Variants in PTPRD observed in about 807,000 individuals in gnomAD.
The protein encoded by PTPRD is receptor-type tyrosine-protein phosphatase delta.
In PTPRD, 34 loss-of-function variants were observed where a neutral mutation model predicts 214.5. The ratio of observed to expected loss-of-function variants is 0.16; its 90% confidence interval spans 0.12 to 0.21. PTPRD has a LOEUF of 0.21. PTPRD is among the 10% of genes least tolerant of loss of function. The pLI is 1.00. For missense variants in PTPRD, 2,545 were observed against 2,398.7 expected, an observed-to-expected ratio of 1.06 and a Z score of -1.27; for synonymous variants, 1,128 against 845.7, an observed-to-expected ratio of 1.33 and a Z score of -5.79.
At chr9:9,151,638 G>GAT (rs2099876864) in intron 10 of PTPRD, among the ~76,000 whole-genome samples, 1 of 152,204 alleles carries the variant, frequency 6.6e-6, no homozygotes, top group Admixed American at 6.5e-5. Flanking sequence ...CATCTTGGAA[G>GAT]ATTAATTTTA....
At chr9:8,791,428 G>A (rs778435253) in intron 11 of PTPRD, among the ~76,000 whole-genome samples, 3 of 151,208 alleles carry the variant, frequency 2.0e-5, no homozygotes, top group Non-Finnish European at 4.4e-5. Context: ...GTTTCACCAT[G>A]TTGGTCAGGC....
intron 2 of PTPRD, among the ~76,000 whole-genome samples, chr9:10,574,807 T>G (rs2068644805): frequency 1.4e-5 from 1 of 69,540 alleles, no homozygotes; most frequent in Non-Finnish European, 2.8e-5. Flanking sequence ...AATAGATATG[T>G]GTGTGCATAT....
intron 37 of PTPRD, among the ~76,000 whole-genome samples, chr9:8,378,693 A>G (rs1199460216): frequency 2.6e-5 from 4 of 152,092 alleles, no homozygotes; most frequent in African/African-American, 7.2e-5. Flanking sequence ...ATGCACAAAA[A>G]CAGCACATTA....
chr9:9,370,046 A>G (rs927041658), intron 9 of PTPRD, among the ~76,000 whole-genome samples: 8 of 152,118 alleles, frequency 5.3e-5, no homozygotes, highest in African/African-American at 1.9e-4. Flanking sequence ...AGGTAGCGTG[A>G]TGCCTCCAGC....
chr9:10,264,236 G>A (rs1197253530), intron 3 of PTPRD, among the ~76,000 whole-genome samples: 1 of 152,148 alleles, frequency 6.6e-6, no homozygotes, highest in African/African-American at 2.4e-5. Flanking sequence ...TAGTGGAGCT[G>A]TAAGAAGAGG....
intron 14 of PTPRD, among the ~76,000 whole-genome samples, chr9:8,607,518 C>T (rs1296467856): frequency 6.6e-6 from 1 of 152,082 alleles, no homozygotes; most frequent in Non-Finnish European, 1.5e-5. Context: ...TGACACGCGC[C>T]TGTAATACCA....
At chr9:9,252,175 G>C (rs1163456295) in intron 9 of PTPRD, among the ~76,000 whole-genome samples, 1 of 151,804 alleles carries the variant, frequency 6.6e-6, no homozygotes, top group East Asian at 1.9e-4. Context: ...AGCTTATTTT[G>C]AGCTGATTAT....
intron 8 of PTPRD, among the ~76,000 whole-genome samples, chr9:9,405,431 G>A (rs10122096): frequency 0.86 from 131,148 of 151,946 alleles, 56,760 homozygotes; most frequent in African/African-American, 0.88. Context: ...GTGAAAATAA[G>A]GAAAATCATT....
At chr9:8,480,897 T>C (rs1373792018) in intron 30 of PTPRD, among the ~76,000 whole-genome samples, 2 of 151,978 alleles carry the variant, frequency 1.3e-5, no homozygotes, top group East Asian at 3.9e-4. Flanking sequence ...CCCCAGCACT[T>C]TGGGAGGCTG....
At chr9:10,542,891 T>TATTTTTTTGC (rs1455687764) in intron 2 of PTPRD, among the ~76,000 whole-genome samples, 2 of 152,042 alleles carry the variant, frequency 1.3e-5, no homozygotes, top group Admixed American at 1.3e-4. Context: ...GCTAATTTTG[T>TATTTTTTTGC]ATTTTTATTT....
At chr9:8,777,050 G>A (rs909900686) in intron 11 of PTPRD, among the ~76,000 whole-genome samples, 2 of 129,012 alleles carry the variant, frequency 1.6e-5, no homozygotes, top group African/African-American at 2.9e-5. Flanking sequence ...GCAGGATCAC[G>A]GCTCACTGCT....
chr9:8,347,274 C>G (rs1302520156), intron 39 of PTPRD, among the ~76,000 whole-genome samples: 1 of 152,030 alleles, frequency 6.6e-6, no homozygotes, highest in African/African-American at 2.4e-5. Flanking sequence ...GCATCCATTC[C>G]CACCATCCAG....
intron 8 of PTPRD, among the ~76,000 whole-genome samples, chr9:9,523,965 A>G (rs1418104453): frequency 6.6e-6 from 1 of 152,130 alleles, no homozygotes; most frequent in East Asian, 1.9e-4. Context: ...TGGGCCCACC[A>G]CAGCATTGAA....
chr9:9,066,770 T>G (rs1310857871), intron 10 of PTPRD, among the ~76,000 whole-genome samples: 1 of 152,194 alleles, frequency 6.6e-6, no homozygotes, highest in Admixed American at 6.5e-5. Flanking sequence ...TATCCAAAGC[T>G]GGAAGATAAA....
intron 3 of PTPRD, among the ~76,000 whole-genome samples, chr9:10,235,506 A>G (rs2099626152): frequency 1.3e-5 from 2 of 151,956 alleles, no homozygotes; most frequent in Non-Finnish European, 2.9e-5. Context: ...GCCAGCACAT[A>G]TTGTGGACAG....
At chr9:9,346,015 G>A (rs904998836) in intron 9 of PTPRD, among the ~76,000 whole-genome samples, 3 of 151,996 alleles carry the variant, frequency 2.0e-5, no homozygotes, top group South Asian at 2.1e-4. Context: ...AGTACAACAC[G>A]AAAAAAGATC....
intron 2 of PTPRD, among the ~76,000 whole-genome samples, chr9:10,565,350 G>A (rs2065269978): frequency 6.6e-6 from 1 of 151,920 alleles, no homozygotes; most frequent in East Asian, 1.9e-4. Context: ...ATTCCTTGGT[G>A]GTTCATAATT....
intron 11 of PTPRD, among the ~76,000 whole-genome samples, chr9:8,825,457 G>C (rs905097840): frequency 6.6e-6 from 1 of 151,260 alleles, no homozygotes; most frequent in African/African-American, 2.5e-5. Context: ...ATGAGGTAGA[G>C]AGAAATAAAT....
chr9:10,473,723 T>A (rs2099045633), intron 2 of PTPRD, among the ~76,000 whole-genome samples: 1 of 152,088 alleles, frequency 6.6e-6, no homozygotes, highest in African/African-American at 2.4e-5. Context: ...TCAGTGATCC[T>A]AACATTTGAA....
Sources: allele counts gnomAD v4.1 joint callset (sites outside exome capture counted in the v4.1 genomes callset), GRCh38; gene constraint gnomAD v4.1.1; transcripts MANE v1.5; gene names NCBI Gene and HGNC (gene_info 2026-07-23, HGNC 2026-07-21).